The following RPS6KC1 variants were observed in gnomAD, a reference collection of about 807,000 sequenced individuals.
RPS6KC1 encodes the protein ribosomal protein S6 kinase C1, also known as inactive ribosomal protein S6 kinase delta-1.
Under a neutral mutation model 103.8 loss-of-function variants are expected in RPS6KC1, and 54 were observed. The observed-to-expected ratio is 0.52, with a 90% CI of 0.42 to 0.65. The LOEUF is 0.65. Among genes scored for constraint, RPS6KC1 ranks in the 30% least tolerant of loss-of-function variants. The pLI, the probability that RPS6KC1 is intolerant of heterozygous loss-of-function variation, is 0.00. For missense variants in RPS6KC1, 1,151 were observed against 1,253.8 expected (o/e 0.92, Z 1.24); for synonymous variants, 439 against 438.7 (o/e 1.00, Z -0.01).
intron 8 of RPS6KC1, among the ~76,000 whole-genome samples, chr1:213,194,203 T>C (rs912184861): frequency 6.6e-6 from 1 of 152,184 alleles, no homozygotes; most frequent in African/African-American, 2.4e-5. Flanking sequence ...TGTGTGTCTT[T>C]ATAGGTGAAG....
chr1:213,195,821 G>GGTGTGTGTGTGT (rs60968477), intron 8 of RPS6KC1, among the ~76,000 whole-genome samples: 14 of 149,726 alleles, frequency 9.4e-5, no homozygotes, highest in African/African-American at 3.5e-4. Context: ...AGTATTCCAT[G>GGTGTGTGTGTGT]GTGTGTGTGT....
At chr1:213,151,823 C>CA (rs1558426546) in intron 6 of RPS6KC1, among the ~76,000 whole-genome samples, 7 of 123,396 alleles carry the variant, frequency 5.7e-5, no homozygotes, top group African/African-American at 9.7e-5. Flanking sequence ...GCTGGCCGGG[C>CA]GAGGGGCTGA....
intron 8 of RPS6KC1, among the ~76,000 whole-genome samples, chr1:213,207,675 T>C (rs748466113): frequency 6.6e-6 from 1 of 152,054 alleles, no homozygotes; most frequent in Non-Finnish European, 1.5e-5. Context: ...ATACCTTTTT[T>C]TTTGTTTGTT....
chr1:213,248,245 A>G (rs754969646), intron 12 of RPS6KC1, among the ~76,000 whole-genome samples: 68 of 152,166 alleles, frequency 4.5e-4, no homozygotes, highest in Non-Finnish European at 9.1e-4. Context: ...AGGGAACTAT[A>G]GGAATAATTT....
intron 8 of RPS6KC1, among the ~76,000 whole-genome samples, chr1:213,195,443 A>G (rs2092910277): frequency 6.6e-6 from 1 of 152,024 alleles, no homozygotes; most frequent in South Asian, 2.1e-4. Context: ...AAAATTCGTA[A>G]CGTGTTTATT....
chr1:213,065,670 A>G (rs2078268006), intron 1 of RPS6KC1, among the ~76,000 whole-genome samples: 1 of 152,186 alleles, frequency 6.6e-6, no homozygotes, highest in Non-Finnish European at 1.5e-5. Context: ...TTGGTAATGT[A>G]TTTGGGAAGT....
intron 3 of RPS6KC1, among the ~76,000 whole-genome samples, chr1:213,085,356 A>G (rs964139950): frequency 1.3e-5 from 2 of 152,204 alleles, no homozygotes; most frequent in Admixed American, 6.5e-5. Flanking sequence ...CCCCATCTCA[A>G]GATCCTTCAT....
the RPS6KC1 span, among the ~76,000 whole-genome samples, chr1:213,592,660 C>T: frequency 1.3e-5 from 2 of 152,154 alleles, no homozygotes; most frequent in Admixed American, 6.5e-5. Context: ...ATTTAATGCC[C>T]ACTTAATGTT....
At chr1:213,317,074 T>C in the RPS6KC1 span, among the ~76,000 whole-genome samples, 6 of 152,306 alleles carry the variant, frequency 3.9e-5, no homozygotes, top group Non-Finnish European at 1.5e-5. Flanking sequence ...AAAGGAGCGA[T>C]AAAATCGGAA....
At chr1:213,792,358 G>A in the RPS6KC1 span, among the ~76,000 whole-genome samples, 2 of 152,104 alleles carry the variant, frequency 1.3e-5, no homozygotes, top group South Asian at 4.1e-4. Flanking sequence ...TTCTCTTCCT[G>A]TCGGTCACTG....
At chr1:213,287,237 TG>T in the RPS6KC1 span, among the ~76,000 whole-genome samples, 1 of 452 alleles carries the variant, frequency 2.2e-3, no homozygotes, top group Non-Finnish European at 9.4e-3. Context: ...ATACAATGTG[TG>T]TGTGTGTGTG....
intron 4 of RPS6KC1, among the ~76,000 whole-genome samples, chr1:213,106,722 A>ATG (rs1362395578): frequency 6.6e-6 from 1 of 152,216 alleles, no homozygotes; most frequent in Non-Finnish European, 1.5e-5. Context: ...TAAGAGTAGA[A>ATG]TGAATAGTAT....
intron 1 of RPS6KC1, among the ~76,000 whole-genome samples, chr1:213,059,985 T>C (rs1558236385): frequency 6.6e-6 from 1 of 152,156 alleles, no homozygotes; most frequent in Non-Finnish European, 1.5e-5. Flanking sequence ...CCGGCTGATT[T>C]TTTTGTATTT....
chr1:213,338,074 G>T, the RPS6KC1 span, among the ~76,000 whole-genome samples: 2 of 152,158 alleles, frequency 1.3e-5, no homozygotes, highest in African/African-American at 4.8e-5. Flanking sequence ...GAACTCTTCA[G>T]TTATTGGGGG....
rs1573658822 is a variant in RPS6KC1 at position 213,259,005 on chromosome 1, T to G, written c.2912-2553T>G. Among the ~76,000 whole-genome samples the G allele has an allele frequency of 3.3e-5, 5 of 152,298 alleles. No homozygotes were observed. The East Asian group carries it at 9.7e-4, about 29-fold the overall frequency. ...CATAGAGTTCCTAGAGCCCCTCAGC[T>G]CTAACCCTCATGTTATAGATGACAT... On this transcript the variant is annotated intron_variant, in intron 12 of 14. Transcript: ENST00000366960.
At chr1:213,246,881 C>A (rs2094463026) in intron 12 of RPS6KC1, among the ~76,000 whole-genome samples, 1 of 152,024 alleles carries the variant, frequency 6.6e-6, no homozygotes, top group Non-Finnish European at 1.5e-5. Flanking sequence ...CATAGCAAGA[C>A]CTTGTCTCTT....
the RPS6KC1 span, among the ~76,000 whole-genome samples, chr1:213,849,982 T>C: frequency 6.6e-6 from 1 of 152,136 alleles, no homozygotes; most frequent in Admixed American, 6.5e-5. Flanking sequence ...TTCTAGTTAG[T>C]TCAAATAATT....
intron 12 of RPS6KC1, among the ~76,000 whole-genome samples, chr1:213,260,353 T>C (rs944681950): frequency 6.6e-6 from 1 of 152,168 alleles, no homozygotes; most frequent in African/African-American, 2.4e-5. Context: ...ATAGGCTGTT[T>C]GAACCTCAGA....
At chr1:213,411,811 G>A in the RPS6KC1 span, among the ~76,000 whole-genome samples, 1 of 152,262 alleles carries the variant, frequency 6.6e-6, no homozygotes, top group East Asian at 1.9e-4. Context: ...GGCACAGCTG[G>A]GGGCAGTGCT....
Sources: gnomAD v4.1 joint callset for allele counts (sites outside exome capture counted in the v4.1 genomes callset) on GRCh38, gnomAD v4.1.1 for gene constraint, MANE v1.5 for transcripts, NCBI Gene and HGNC (gene_info 2026-07-23, HGNC 2026-07-21) for gene names.